The following TENM1 variants were observed in gnomAD, a reference collection of about 807,000 sequenced individuals.
The protein encoded by TENM1 is teneurin transmembrane protein 1, also known as teneurin-1.
A neutral mutation model predicts 174.8 loss-of-function variants in TENM1; 35 were observed. The observed-to-expected ratio is 0.20, with a 90% confidence interval of 0.15 to 0.27. The LOEUF (loss-of-function observed/expected upper bound fraction) is 0.27, where lower values mean the gene tolerates loss of function less well. Among genes scored for constraint, TENM1 ranks in the 10% least tolerant of loss-of-function variants. TENM1 has a pLI of 1.00. For synonymous variants in TENM1, 781 were observed against 798.7 expected (o/e 0.98, Z 0.37); for missense variants, 1,633 against 2,130.1 (o/e 0.77, Z 4.59).
intron 4 of TENM1, among the ~76,000 whole-genome samples, chrX:124,708,725 A>C (rs1301378939): frequency 1.8e-5 from 2 of 111,744 alleles, no homozygotes; most frequent in African/African-American, 6.5e-5. Flanking sequence ...TTCAATTTTT[A>C]AAGGAAAAAA....
chrX:125,084,037 G>T, the TENM1 span, among the ~76,000 whole-genome samples: 1,837 of 111,370 alleles, frequency 0.016, 32 homozygotes, highest in African/African-American at 0.056. Context: ...GTGGAAACAG[G>T]GTTTCAAACA....
chrX:124,837,887 T>A (rs2056423752), intron 3 of TENM1, among the ~76,000 whole-genome samples: 1 of 112,573 alleles, frequency 8.9e-6, no homozygotes, highest in African/African-American at 3.2e-5. Context: ...AAAACTGCAT[T>A]GCCAAACATT....
intron 18 of TENM1, among the ~76,000 whole-genome samples, chrX:124,510,424 G>A (rs757142476): frequency 6.2e-5 from 7 of 112,460 alleles, no homozygotes; most frequent in Non-Finnish European, 9.4e-5. Flanking sequence ...GAGGTGCCAT[G>A]TAACCCAAAT....
the TENM1 span, among the ~76,000 whole-genome samples, chrX:125,111,125 C>T: frequency 8.9e-6 from 1 of 112,218 alleles, no homozygotes; most frequent in Non-Finnish European, 1.9e-5. Context: ...AACAGATTTG[C>T]ATTAAATTAG....
intron 3 of TENM1, among the ~76,000 whole-genome samples, chrX:124,762,741 A>C (rs1008199980): frequency 1.8e-5 from 2 of 111,739 alleles, no homozygotes; most frequent in African/African-American, 6.5e-5. Context: ...ATAAATACTT[A>C]CCTTTAAATA....
the TENM1 span, among the ~76,000 whole-genome samples, chrX:125,077,021 G>A: frequency 9.2e-6 from 1 of 108,290 alleles, no homozygotes; most frequent in African/African-American, 3.4e-5. Context: ...TTTTTTCTTT[G>A]GAAAATGTAT....
At chrX:125,164,403 A>G in the TENM1 span, among the ~76,000 whole-genome samples, 6 of 111,633 alleles carry the variant, frequency 5.4e-5, no homozygotes, top group Admixed American at 4.8e-4. Context: ...CAAGTGGAAT[A>G]TTTTCACTAC....
intron 23 of TENM1, among the ~76,000 whole-genome samples, chrX:124,431,217 T>C (rs910348556): frequency 2.7e-5 from 3 of 112,559 alleles, no homozygotes; most frequent in Admixed American, 9.4e-5. Flanking sequence ...CAAGTGCTAA[T>C]AATTTCTTTT....
intron 15 of TENM1, among the ~76,000 whole-genome samples, chrX:124,539,856 T>A (rs903318832): frequency 8.9e-6 from 1 of 112,296 alleles, no homozygotes; most frequent in African/African-American, 3.2e-5. Flanking sequence ...GTGTCAATTT[T>A]AGCAGCTCTT....
At chrX:124,713,339 G>T (rs1489706570) in intron 4 of TENM1, among the ~76,000 whole-genome samples, 3 of 110,364 alleles carry the variant, frequency 2.7e-5, no homozygotes, top group Non-Finnish European at 3.8e-5. Context: ...CGTGATCTCG[G>T]CTCACTGCAA....
chrX:124,611,586 C>A (rs780021908), intron 11 of TENM1, among the ~76,000 whole-genome samples: 2 of 111,255 alleles, frequency 1.8e-5, no homozygotes, highest in African/African-American at 3.3e-5. Flanking sequence ...ACAAAGAAAG[C>A]CAGCACACCA....
At position 124,759,969 on chromosome X, in the gene TENM1, A is replaced by G. The variant is rs191319857; in HGVS notation, c.536-22772T>C. Among the ~76,000 whole-genome samples the G allele has an allele frequency of 3.4e-3, 378 of 111,562 alleles. 4 individuals are homozygous for G. Among genetic ancestry groups the G allele is most frequent in the African/African-American group, 0.01 (316 of 30,696 alleles). ...GGCAAAACCCTGCTTTCAAGCCTATAATAGCCTGAAGGCTGAAAAACCAGA... is the reference window on the plus strand; with the variant it reads ...GGCAAAACCCTGCTTTCAAGCCTATGATAGCCTGAAGGCTGAAAAACCAGA... On this transcript the variant is annotated intron_variant, in intron 3 of 31. Coordinates refer to ENST00000422452, the Ensembl canonical transcript of TENM1.
intron 3 of TENM1, among the ~76,000 whole-genome samples, chrX:124,888,549 A>C (rs986083375): frequency 8.9e-6 from 1 of 111,924 alleles, no homozygotes; most frequent in African/African-American, 3.2e-5. Context: ...ATTTAAAATA[A>C]GACAAGTGCA....
chrX:124,546,731 G>A (rs1039473221), intron 15 of TENM1, 143 bp downstream of exon 18: 19 of 495,882 alleles, frequency 3.8e-5, no homozygotes, highest in Non-Finnish European at 6.3e-5. Flanking sequence ...AAGGGTTTTG[G>A]CTTTCCAGAG....
the TENM1 span, among the ~76,000 whole-genome samples, chrX:124,970,320 T>C: frequency 3.6e-5 from 4 of 111,355 alleles, no homozygotes; most frequent in Non-Finnish European, 3.8e-5. Flanking sequence ...AATTAAAGGG[T>C]ACATAGAACA....
At chrX:124,792,198 A>ATTT (rs1193866324) in intron 3 of TENM1, among the ~76,000 whole-genome samples, 1 of 111,603 alleles carries the variant, frequency 9.0e-6, no homozygotes, top group Non-Finnish European at 1.9e-5. Context: ...TACATTTTTT[A>ATTT]TTTGAAAAAT....
At chrX:125,003,154 T>C in the TENM1 span, among the ~76,000 whole-genome samples, 1 of 111,643 alleles carries the variant, frequency 9.0e-6, no homozygotes. Context: ...CAAAAGCTTC[T>C]GCCATCTTTA....
the TENM1 span, among the ~76,000 whole-genome samples, chrX:125,035,366 T>A: frequency 1.8e-5 from 2 of 111,690 alleles, no homozygotes; most frequent in Admixed American, 9.6e-5. Context: ...ATACAGCAGA[T>A]CATTGGAATT....
the TENM1 span, among the ~76,000 whole-genome samples, chrX:124,973,307 C>A: frequency 1.8e-5 from 2 of 111,520 alleles, no homozygotes; most frequent in East Asian, 2.8e-4. Flanking sequence ...GATACTGTAG[C>A]CTTGTAGTAT....
Sources: allele counts gnomAD v4.1 joint callset (sites outside exome capture counted in the v4.1 genomes callset), GRCh38; gene constraint gnomAD v4.1.1; transcripts MANE v1.5; gene names NCBI Gene and HGNC (gene_info 2026-07-23, HGNC 2026-07-21).